The following PRKG1 variants were observed in gnomAD, a reference collection of about 807,000 sequenced individuals.
PRKG1 encodes cGMP-dependent protein kinase 1.
A neutral mutation model predicts 88.1 loss-of-function variants in PRKG1; 35 were observed. The observed-to-expected ratio is 0.40, with a 90% CI of 0.30 to 0.53. PRKG1 has a LOEUF of 0.53. PRKG1 is among the 20% of genes least tolerant of loss of function. PRKG1 has a pLI of 0.59. For missense variants in PRKG1, 540 were observed against 839.8 expected (o/e 0.64, Z 4.41); for synonymous variants, 303 against 292.5 (o/e 1.04, Z -0.37).
intron 2 of PRKG1, among the ~76,000 whole-genome samples, chr10:51,167,436 T>C (rs573850033): frequency 6.6e-6 from 1 of 152,286 alleles, no homozygotes; most frequent in Non-Finnish European, 1.5e-5. Context: ...GCCCTGTAAG[T>C]AGACTGCTTT....
At chr10:51,191,348 A>G (rs1837625695) in intron 2 of PRKG1, among the ~76,000 whole-genome samples, 1 of 151,844 alleles carries the variant, frequency 6.6e-6, no homozygotes, top group Non-Finnish European at 1.5e-5. Flanking sequence ...GGTAAATTAT[A>G]TAACTTCTAA....
At chr10:51,355,135 G>C (rs1179558632) in intron 2 of PRKG1, among the ~76,000 whole-genome samples, 6 of 152,078 alleles carry the variant, frequency 3.9e-5, no homozygotes, top group African/African-American at 1.4e-4. Context: ...TAACACACAA[G>C]TAAAATGCTT....
chr10:51,523,471 G>GT (rs1158637244), intron 3 of PRKG1, among the ~76,000 whole-genome samples: 1 of 152,168 alleles, frequency 6.6e-6, no homozygotes, highest in African/African-American at 2.4e-5. Flanking sequence ...ATGAAGCCCA[G>GT]TGCTTCATGA....
At chr10:51,793,603 C>T (rs577786871) in intron 3 of PRKG1, among the ~76,000 whole-genome samples, 6 of 151,842 alleles carry the variant, frequency 4.0e-5, no homozygotes, top group South Asian at 2.1e-4. Flanking sequence ...ATCAAACTGA[C>T]AAAAATCAAA....
At chr10:52,060,956 T>C (rs985863636) in intron 6 of PRKG1, among the ~76,000 whole-genome samples, 2 of 152,008 alleles carry the variant, frequency 1.3e-5, no homozygotes, top group Non-Finnish European at 2.9e-5. Context: ...AATATTCATA[T>C]AATGGAATGC....
chr10:52,292,974 C>T (rs1390256645), intron 17 of PRKG1, among the ~76,000 whole-genome samples: 3 of 152,028 alleles, frequency 2.0e-5, no homozygotes, highest in African/African-American at 7.2e-5. Flanking sequence ...TCAAATTGTC[C>T]CTGTTTGCAG....
intron 3 of PRKG1, among the ~76,000 whole-genome samples, chr10:51,569,779 T>C (rs1345474315): frequency 1.3e-5 from 2 of 151,992 alleles, no homozygotes; most frequent in Non-Finnish European, 2.9e-5. Context: ...CTTTAACTAT[T>C]AATTTATTTA....
Position 52,025,100 on chromosome 10 carries a change from A to G in PRKG1, c.763-29384A>G, listed in dbSNP as rs571681626. ...GACCAGTGATGATGAGCATTTTTTC[A>G]TGTGTCTGTTGGCTGCATAAATGTC... On this transcript the variant is annotated intron_variant, in intron 5 of 17. Coordinates refer to ENST00000373980, the MANE Select transcript of PRKG1 (RefSeq NM_006258.4). Among the ~76,000 whole-genome samples the G allele has an allele frequency of 7.2e-3, 1,097 of 152,088 alleles. 4 individuals are homozygous for G. The highest frequency in any genetic ancestry group is 0.012 in the Non-Finnish European group (813 of 67,990).
chr10:51,665,929 GTGTGTGTT>G (rs986125236), intron 3 of PRKG1, among the ~76,000 whole-genome samples: 230 of 152,186 alleles, frequency 1.5e-3, no homozygotes, highest in African/African-American at 5.4e-3. Flanking sequence ...GTGTGTGTGT[GTGTGTGTT>G]TGTGTGTTTG....
intron 7 of PRKG1, among the ~76,000 whole-genome samples, chr10:52,110,571 T>C (rs1847539900): frequency 1.3e-5 from 2 of 151,934 alleles, no homozygotes; most frequent in African/African-American, 4.8e-5. Flanking sequence ...GGAGGGAAGA[T>C]AGGAAAAGAG....
chr10:51,884,229 G>A (rs943990319), intron 4 of PRKG1, among the ~76,000 whole-genome samples: 1 of 150,564 alleles, frequency 6.6e-6, no homozygotes, highest in East Asian at 2.0e-4. Flanking sequence ...GGCAGATCAC[G>A]AGGTCAGGAG....
At chr10:52,189,148 A>C (rs988632833) in intron 9 of PRKG1, among the ~76,000 whole-genome samples, 41 of 152,306 alleles carry the variant, frequency 2.7e-4, no homozygotes, top group Admixed American at 6.5e-4. Flanking sequence ...ATTTATAGGA[A>C]TGTCTTGAGC....
In PRKG1 at chr10:52,280,761, C is replaced by T. The variant is rs754825613; in HGVS notation, c.1404-28C>T. Reference sequence around the variant, plus strand: ...ATATTACAGAAATTAATTTTTTATACAATTTTCATTCCATTTCTGCACCTC... The same window carrying T: ...ATATTACAGAAATTAATTTTTTATATAATTTTCATTCCATTTCTGCACCTC... On this transcript the variant is annotated intron_variant, in intron 12 of 17. Transcript: ENST00000373980. The T allele has an allele frequency of 1.7e-5, 27 of 1,596,262 alleles. No homozygotes were observed. In the East Asian group the frequency reaches 5.6e-4, roughly 33 times the overall value.
chr10:51,102,774 G>A (rs753656523), intron 1 of PRKG1, among the ~76,000 whole-genome samples: 6 of 152,240 alleles, frequency 3.9e-5, no homozygotes, highest in African/African-American at 7.2e-5. Context: ...TGATGCAAAC[G>A]TAAGCATCTT....
At chr10:51,682,092 G>T (rs1011262803) in intron 3 of PRKG1, among the ~76,000 whole-genome samples, 1 of 152,096 alleles carries the variant, frequency 6.6e-6, no homozygotes, top group African/African-American at 2.4e-5. Flanking sequence ...AGCCATAAAA[G>T]CTCAAACCAG....
intron 1 of PRKG1, among the ~76,000 whole-genome samples, chr10:51,087,979 G>C (rs1844298180): frequency 1.3e-5 from 2 of 152,138 alleles, no homozygotes; most frequent in South Asian, 4.1e-4. Flanking sequence ...TACTTAGGCT[G>C]GTCTTGAACC....
intron 3 of PRKG1, among the ~76,000 whole-genome samples, chr10:51,481,212 CG>C: frequency 7.8e-6 from 1 of 128,930 alleles, no homozygotes; most frequent in Admixed American, 9.3e-5. Flanking sequence ...TCCCTCCTTT[CG>C]TTCCTTCCTT....
At chr10:52,192,367 T>C (rs967911860) in intron 9 of PRKG1, among the ~76,000 whole-genome samples, 2 of 152,168 alleles carry the variant, frequency 1.3e-5, no homozygotes, top group Non-Finnish European at 2.9e-5. Context: ...TGCTATTGGC[T>C]TTCTTTGTTT....
chr10:52,042,109 T>TAATATTGTTATATTA, intron 5 of PRKG1, among the ~76,000 whole-genome samples: 1 of 152,122 alleles, frequency 6.6e-6, no homozygotes, highest in East Asian at 1.9e-4. Context: ...ATTAGAAAAT[T>TAATATTGTTATATTA]AATATTGTTA....
Sources: allele counts gnomAD v4.1 joint callset (sites outside exome capture counted in the v4.1 genomes callset), GRCh38; gene constraint gnomAD v4.1.1; transcripts MANE v1.5; gene names NCBI Gene and HGNC (gene_info 2026-07-23, HGNC 2026-07-21).